FNDC3B: variants seen among roughly 807,000 people sequenced by gnomAD.
The protein encoded by FNDC3B is fibronectin type III domain containing 3B, also known as fibronectin type III domain-containing protein 3B.
Under a neutral mutation model 151.5 loss-of-function variants are expected in FNDC3B, and 12 were observed. The ratio of observed to expected loss-of-function variants is 0.08; its 90% CI spans 0.05 to 0.13. FNDC3B has a LOEUF of 0.13. FNDC3B is among the 10% of genes least tolerant of loss of function. The pLI is 1.00. For missense variants in FNDC3B, 1,214 were observed against 1,505.3 expected, an observed-to-expected ratio of 0.81 and a Z score of 3.20; for synonymous variants, 528 against 549.0, an observed-to-expected ratio of 0.96 and a Z score of 0.54.
At chr3:172,341,076 A>C in intron 16 of FNDC3B, 37 bp from the exon 17 acceptor site, 1 of 1,368,872 alleles carries the variant, frequency 7.3e-7, no homozygotes, top group Non-Finnish European at 1.0e-6. Context: ...ACATTTTTAC[A>C]AGAGGCATAA....
chr3:172,226,660 T>C (rs1418942764), intron 3 of FNDC3B, among the ~76,000 whole-genome samples: 2 of 152,130 alleles, frequency 1.3e-5, no homozygotes, highest in Non-Finnish European at 2.9e-5. Flanking sequence ...TAGTTTTGGG[T>C]TTTTTGTTTG....
chr3:172,109,047 A>G (rs1245254634), intron 1 of FNDC3B, among the ~76,000 whole-genome samples: 1 of 152,150 alleles, frequency 6.6e-6, no homozygotes, highest in Non-Finnish European at 1.5e-5. Context: ...GGATTTAAAC[A>G]TCGTTGGCTG....
At chr3:172,392,755 T>G (rs2108393101) in intron 25 of FNDC3B, among the ~76,000 whole-genome samples, 1 of 151,136 alleles carries the variant, frequency 6.6e-6, no homozygotes, top group South Asian at 2.1e-4. Flanking sequence ...TTATTTGGAT[T>G]GAATTTGCCA....
intron 9 of FNDC3B, among the ~76,000 whole-genome samples, chr3:172,303,727 A>G (rs199650869): frequency 8.2e-4 from 25 of 30,346 alleles, no homozygotes; most frequent in African/African-American, 5.8e-3. Context: ...CATTATGTGG[A>G]AAAAAAAAAA....
intron 4 of FNDC3B, among the ~76,000 whole-genome samples, chr3:172,241,029 C>A (rs1727464753): frequency 6.6e-6 from 1 of 152,116 alleles, no homozygotes; most frequent in South Asian, 2.1e-4. Context: ...ATAAAACAGA[C>A]ATGATAAAGA....
intron 23 of FNDC3B, among the ~76,000 whole-genome samples, chr3:172,365,164 T>G (rs1734551950): frequency 6.6e-6 from 1 of 152,224 alleles, no homozygotes; most frequent in Admixed American, 6.5e-5. Context: ...ATACTTTTTA[T>G]TAGCATAGCC....
Position 172,257,956 on chromosome 3 carries a change from C to T in FNDC3B, c.790+6415C>T, listed in dbSNP as rs370751349. 6.5e-4 allele frequency among the ~76,000 whole-genome samples: 99 copies of T among 152,082 alleles called. 1 individual carries two copies. In the South Asian group the frequency reaches 0.018, roughly 28 times the overall value. On this transcript the variant is annotated intron_variant, in intron 6 of 25. Transcript: ENST00000415807. ...TTAAATGGCAGGGGTGGGAAAGCGG[C>T]GGGTGGGAGGCATTCAGTTGGAACA...
intron 25 of FNDC3B, among the ~76,000 whole-genome samples, chr3:172,389,461 A>G (rs1475864183): frequency 1.3e-5 from 2 of 152,232 alleles, no homozygotes; most frequent in Non-Finnish European, 2.9e-5. Flanking sequence ...ATATTTATAC[A>G]ACTAGAAGAG....
At chr3:172,229,884 G>C (rs570376838) in intron 4 of FNDC3B, among the ~76,000 whole-genome samples, 1 of 152,154 alleles carries the variant, frequency 6.6e-6, no homozygotes, top group South Asian at 2.1e-4. Context: ...AAAAGAGAGA[G>C]GAACACCAAG....
intron 1 of FNDC3B, among the ~76,000 whole-genome samples, chr3:172,054,692 G>A (rs2108462745): frequency 6.6e-6 from 1 of 152,276 alleles, no homozygotes; most frequent in Non-Finnish European, 1.5e-5. Context: ...GAGGGAGGCT[G>A]TAAGTGCTAA....
At chr3:172,332,980 C>T in intron 13 of FNDC3B, 109 bp from the exon 14 acceptor site, 1 of 778,374 alleles carries the variant, frequency 1.3e-6, no homozygotes, top group South Asian at 1.4e-5. Flanking sequence ...AGACCTCTGG[C>T]CAGTTGCTGG....
At chr3:172,051,883 G>T (rs1716670741) in intron 1 of FNDC3B, among the ~76,000 whole-genome samples, 2 of 152,098 alleles carry the variant, frequency 1.3e-5, no homozygotes, top group African/African-American at 4.8e-5. Flanking sequence ...CTATTAGATT[G>T]TGAATTGATT....
At chr3:172,167,476 G>A (rs992602927) in intron 3 of FNDC3B, among the ~76,000 whole-genome samples, 1 of 152,348 alleles carries the variant, frequency 6.6e-6, no homozygotes, top group African/African-American at 2.4e-5. Flanking sequence ...AAACCATGGT[G>A]CCCTGGCACG....
chr3:172,160,986 C>T (rs184650953), intron 3 of FNDC3B, among the ~76,000 whole-genome samples: 19 of 152,024 alleles, frequency 1.2e-4, no homozygotes, highest in East Asian at 1.9e-4. Context: ...CATAAGATTA[C>T]CAAAAAAGGA....
intron 3 of FNDC3B, among the ~76,000 whole-genome samples, chr3:172,224,779 T>C (rs1291636982): frequency 6.6e-6 from 1 of 152,222 alleles, no homozygotes; most frequent in African/African-American, 2.4e-5. Context: ...CAGCACAACA[T>C]ACATTAGGAT....
chr3:172,299,804 T>C (rs1399845892), intron 9 of FNDC3B, among the ~76,000 whole-genome samples: 1 of 152,146 alleles, frequency 6.6e-6, no homozygotes, highest in East Asian at 1.9e-4. Context: ...ACCAGGAGGC[T>C]TGAGTGTGAG....
At chr3:172,373,572 A>G (rs1734984863) in intron 23 of FNDC3B, among the ~76,000 whole-genome samples, 1 of 152,258 alleles carries the variant, frequency 6.6e-6, no homozygotes, top group Non-Finnish European at 1.5e-5. Flanking sequence ...TTCCATCACA[A>G]AAGGCCTCTG....
chr3:172,164,127 T>C (rs1722904130), intron 3 of FNDC3B, among the ~76,000 whole-genome samples: 1 of 152,244 alleles, frequency 6.6e-6, no homozygotes, highest in South Asian at 2.1e-4. Flanking sequence ...CTAGTAGCAT[T>C]CTTTAGGTTA....
chr3:172,352,336 C>T lies in FNDC3B; in HGVS notation c.2515-467C>T, dbSNP rs1416819995. ...ATGTGGAAGATAGAAGATGCCTTTT[C>T]CTATTGCTATTCCAGGACAGCTCTA... On this transcript the variant is annotated intron_variant, in intron 21 of 25. Transcript: ENST00000415807. The surrounding 1 kb of genome is among the most constrained non-coding windows in gnomAD (Gnocchi z 4.2). Among the ~76,000 whole-genome samples the T allele has an allele frequency of 6.6e-6, 1 of 152,102 alleles. No individual in the cohort carries two copies. The highest frequency in any genetic ancestry group is 1.5e-5 in the Non-Finnish European group (1 of 68,026).
Sources: gnomAD v4.1 joint callset for allele counts (sites outside exome capture counted in the v4.1 genomes callset) on GRCh38, gnomAD v4.1.1 for gene constraint, Gnocchi (gnomAD v3.1) non-coding constraint, MANE v1.5 for transcripts, NCBI Gene and HGNC (gene_info 2026-07-23, HGNC 2026-07-21) for gene names.